The following RASAL2 variants were observed in gnomAD, a reference collection of about 807,000 sequenced individuals.
RASAL2 encodes ras GTPase-activating protein nGAP.
RASAL2 carries 58 observed loss-of-function variants against 128.9 expected under a neutral mutation model. The ratio of observed to expected loss-of-function variants is 0.45; its 90% CI spans 0.36 to 0.56. RASAL2 has a LOEUF of 0.56. Ranked by LOEUF, RASAL2 falls within the 20% of genes least tolerant of loss-of-function variation. The pLI is 0.00. For missense variants in RASAL2, 1,360 were observed against 1,601.6 expected (o/e 0.85, Z 2.57); for synonymous variants, 561 against 580.8 (o/e 0.97, Z 0.49).
intron 3 of RASAL2, among the ~76,000 whole-genome samples, chr1:178,344,920 T>C (rs146500171): frequency 6.6e-6 from 1 of 152,280 alleles, no homozygotes; most frequent in East Asian, 1.9e-4. Flanking sequence ...CTATCAAAAT[T>C]CCACATTTAA....
intron 1 of RASAL2, among the ~76,000 whole-genome samples, chr1:178,242,035 A>G (rs1023646981): frequency 3.9e-5 from 6 of 152,210 alleles, no homozygotes; most frequent in African/African-American, 1.4e-4. Context: ...TGATTTATTT[A>G]TAGTATTTTT....
intron 1 of RASAL2, among the ~76,000 whole-genome samples, chr1:178,206,929 C>G (rs1205586987): frequency 6.6e-6 from 1 of 152,076 alleles, no homozygotes; most frequent in African/African-American, 2.4e-5. Flanking sequence ...AGTCCTAGCA[C>G]TTTGGGAGGC....
intron 5 of RASAL2, among the ~76,000 whole-genome samples, chr1:178,435,634 T>A (rs1676205577): frequency 6.6e-6 from 1 of 152,068 alleles, no homozygotes. Flanking sequence ...TTGCTAGAGG[T>A]CTTGAAGTTT....
At chr1:178,297,465 G>A (rs908573672) in intron 2 of RASAL2, among the ~76,000 whole-genome samples, 1 of 151,382 alleles carries the variant, frequency 6.6e-6, no homozygotes, top group South Asian at 2.1e-4. Context: ...AAATCAGCTG[G>A]GCGTGGTGGC....
At chr1:178,243,219 G>C (rs1664599129) in intron 1 of RASAL2, among the ~76,000 whole-genome samples, 1 of 152,128 alleles carries the variant, frequency 6.6e-6, no homozygotes, top group Admixed American at 6.5e-5. Context: ...AGATTTTGCA[G>C]TACTATTTTT....
intron 1 of RASAL2, among the ~76,000 whole-genome samples, chr1:178,146,238 A>G (rs866265238): frequency 1.3e-5 from 2 of 152,334 alleles, no homozygotes; most frequent in South Asian, 4.1e-4. Context: ...AATAATACAG[A>G]TTATACTTTG....
At chr1:178,425,286 A>G (rs1675446392) in intron 5 of RASAL2, among the ~76,000 whole-genome samples, 1 of 152,202 alleles carries the variant, frequency 6.6e-6, no homozygotes, top group Non-Finnish European at 1.5e-5. Context: ...GAAAAGGGGC[A>G]AGGTAGGAAA....
intron 1 of RASAL2, among the ~76,000 whole-genome samples, chr1:178,210,709 T>C (rs1663222727): frequency 1.3e-5 from 2 of 152,228 alleles, no homozygotes; most frequent in African/African-American, 4.8e-5. Flanking sequence ...TTCTGAATTC[T>C]GAAAGACATT....
At chr1:178,219,632 GAAAA>G (rs34519020) in intron 1 of RASAL2, among the ~76,000 whole-genome samples, 7 of 108,664 alleles carry the variant, frequency 6.4e-5, no homozygotes, top group African/African-American at 2.4e-4. Flanking sequence ...TCTGCCTCAG[GAAAA>G]AAAAAAAAAA....
At chr1:178,223,703 G>C (rs1413967055) in intron 1 of RASAL2, among the ~76,000 whole-genome samples, 1 of 152,162 alleles carries the variant, frequency 6.6e-6, no homozygotes, top group Non-Finnish European at 1.5e-5. Flanking sequence ...GTAGATGTAG[G>C]TTGATAAATT....
At chr1:178,315,611 T>TG (rs1557896418) in intron 3 of RASAL2, among the ~76,000 whole-genome samples, 1 of 140,676 alleles carries the variant, frequency 7.1e-6, no homozygotes, top group African/African-American at 2.9e-5. Context: ...TCTGTTCATG[T>TG]CCTTCGCCCA....
chr1:178,381,736 C>T (rs2102565043), intron 3 of RASAL2, among the ~76,000 whole-genome samples: 1 of 151,646 alleles, frequency 6.6e-6, no homozygotes, highest in African/African-American at 2.4e-5. Context: ...CATTATACCC[C>T]CAATTGTACA....
At chr1:178,244,140 C>A (rs1387480989) in intron 1 of RASAL2, among the ~76,000 whole-genome samples, 2 of 152,082 alleles carry the variant, frequency 1.3e-5, no homozygotes, top group Non-Finnish European at 2.9e-5. Flanking sequence ...CAGCAATGAT[C>A]AAAAAGGTAC....
chr1:178,181,205 A>C (rs1465653546), intron 1 of RASAL2, among the ~76,000 whole-genome samples: 3 of 152,112 alleles, frequency 2.0e-5, no homozygotes, highest in Non-Finnish European at 4.4e-5. Flanking sequence ...TTTTTGATTT[A>C]TAGAAAAATC....
At chr1:178,214,544 A>G (rs1235572445) in intron 1 of RASAL2, among the ~76,000 whole-genome samples, 2 of 151,798 alleles carry the variant, frequency 1.3e-5, no homozygotes, top group East Asian at 3.9e-4. Context: ...AATCAGTAAC[A>G]TCACCTGGAC....
intron 2 of RASAL2, among the ~76,000 whole-genome samples, chr1:178,287,292 C>T (rs974349579): frequency 6.6e-6 from 1 of 151,862 alleles, no homozygotes; most frequent in Non-Finnish European, 1.5e-5. Context: ...GCCCATAATG[C>T]TGCTTGGCAA....
intron 1 of RASAL2, among the ~76,000 whole-genome samples, chr1:178,254,870 A>C (rs1223175321): frequency 6.6e-6 from 1 of 152,196 alleles, no homozygotes; most frequent in Non-Finnish European, 1.5e-5. Context: ...GGCACATAAT[A>C]ATAAAAATAC....
chr1:178,335,637 C>T (rs1006553749), intron 3 of RASAL2, among the ~76,000 whole-genome samples: 2 of 152,206 alleles, frequency 1.3e-5, no homozygotes, highest in South Asian at 4.1e-4. Flanking sequence ...ACTGCTCACA[C>T]ATTACACACA....
chr1:178,195,925 A>C (rs1662644856), intron 1 of RASAL2, among the ~76,000 whole-genome samples: 1 of 152,150 alleles, frequency 6.6e-6, no homozygotes, highest in African/African-American at 2.4e-5. Flanking sequence ...TATATTACCC[A>C]TACTATTCTA....
Sources: gnomAD v4.1 joint callset for allele counts (sites outside exome capture counted in the v4.1 genomes callset) on GRCh38, gnomAD v4.1.1 for gene constraint, MANE v1.5 for transcripts, NCBI Gene and HGNC (gene_info 2026-07-23, HGNC 2026-07-21) for gene names.